Variants in GAK observed in about 807,000 individuals in gnomAD.
GAK encodes the protein cyclin-G-associated kinase.
A neutral mutation model predicts 143.9 loss-of-function variants in GAK; 79 were observed. The ratio of observed to expected loss-of-function variants is 0.55; its 90% CI spans 0.46 to 0.66. GAK has a LOEUF of 0.66. Ranked by LOEUF, GAK falls within the 30% of genes least tolerant of loss-of-function variation. The pLI is 0.00. For missense variants in GAK, 1,693 were observed against 1,779.7 expected, an observed-to-expected ratio of 0.95 and a Z score of 0.88; for synonymous variants, 881 against 765.5, an observed-to-expected ratio of 1.15 and a Z score of -2.49.
At chr4:856,434 TCAC>T (rs1333686242) in intron 24 of GAK, among the ~76,000 whole-genome samples, 5 of 137,276 alleles carry the variant, frequency 3.6e-5, no homozygotes, top group Admixed American at 7.3e-5. Context: ...TCACACCTGC[TCAC>T]CACAGCTGCT....
intron 4 of GAK, 141 bp from the exon 5 acceptor site, chr4:904,920 A>G: frequency 1.3e-6 from 1 of 788,556 alleles, no homozygotes; most frequent in African/African-American, 1.8e-5. Flanking sequence ...AAACGACCAG[A>G]GGTGACTCCC....
chr4:877,911 CTTG>C, intron 15 of GAK, 102 bp from the exon 16 acceptor site: 1 of 1,045,334 alleles, frequency 9.6e-7, no homozygotes, highest in Non-Finnish European at 1.4e-6. Flanking sequence ...AGAAATTTCC[CTTG>C]TAGCAATGTT....
At chr4:915,132 GCACGGCCCCACACACACAGCCCCAGTATA>G (rs1212899288) in intron 1 of GAK, among the ~76,000 whole-genome samples, 123 of 121,824 alleles carry the variant, frequency 1.0e-3, no homozygotes, top group Middle Eastern at 6.1e-3. Context: ...GCCCCAGCGT[GCACGGCCCCACACACACAGCCCCAGTATA>G]CACGGCCCCA....
intron 5 of GAK, 72 bp from the exon 6 acceptor site, chr4:898,230 G>A: frequency 6.4e-7 from 1 of 1,567,580 alleles, no homozygotes; most frequent in Admixed American, 1.7e-5. Context: ...AAACGAACGG[G>A]TGTGAGACAC....
chr4:902,828 A>G (rs1720192773), intron 5 of GAK, among the ~76,000 whole-genome samples: 1 of 152,194 alleles, frequency 6.6e-6, no homozygotes, highest in African/African-American at 2.4e-5. Flanking sequence ...AAGCTGCTCC[A>G]ACGAACCAAA....
At position 898,140 on chromosome 4, in the gene GAK, T is replaced by C. The variant is rs1719161102; in HGVS notation, c.544A>G (p.Ser182Gly). The change falls in exon 6 of 28, where the codon AGT becomes GGT. Residue 182 changes from serine (S) to glycine (G), a missense_variant. Ser to Gly is a moderately conservative substitution (Grantham distance 56). Coordinates refer to ENST00000314167, the MANE Select transcript of GAK (RefSeq NM_005255.4). ...CACAGCTTAATGGTCCCTTGGTTAC[T>C]AAGCAACAAGTTCTCAACCTGTAAA... ...RDLKVENLLL[S>G]NQGTIKLCDF... The C allele has an allele frequency of 6.2e-7, 1 of 1,614,120 alleles. No individual in the cohort carries two copies. Among genetic ancestry groups the C allele is most frequent in the Non-Finnish European group, 8.5e-7 (1 of 1,179,946 alleles).
At chr4:875,408 C>T (rs1296106273) in intron 18 of GAK, among the ~76,000 whole-genome samples, 2 of 152,342 alleles carry the variant, frequency 1.3e-5, no homozygotes, top group South Asian at 2.1e-4. Flanking sequence ...CGGTGCAGGC[C>T]GTCCCTGACA....
At chr4:875,269 AAAG>A (rs1486949016) in intron 18 of GAK, among the ~76,000 whole-genome samples, 1 of 152,228 alleles carries the variant, frequency 6.6e-6, no homozygotes, top group Non-Finnish European at 1.5e-5. Flanking sequence ...AAGGAGGAAA[AAAG>A]AAACAAAATT....
intron 1 of GAK, among the ~76,000 whole-genome samples, chr4:920,981 T>G (rs963630037): frequency 3.3e-5 from 5 of 152,238 alleles, no homozygotes; most frequent in African/African-American, 1.2e-4. Context: ...ATCTCAGGAC[T>G]TACTACACAG....
At chr4:889,061 C>G in intron 10 of GAK, 91 bp from the exon 11 acceptor site, 1 of 1,437,958 alleles carries the variant, frequency 7.0e-7, no homozygotes, top group Non-Finnish European at 9.2e-7. Flanking sequence ...CCCAGGCGCT[C>G]GGTCCCACCT....
chr4:894,768 G>A (rs1718440797), intron 7 of GAK: 1 of 152,152 alleles, frequency 6.6e-6, no homozygotes, highest in African/African-American at 2.4e-5. Context: ...GGATGACAAG[G>A]TCAGGAGTTC....
intron 5 of GAK, among the ~76,000 whole-genome samples, chr4:899,879 G>T (rs1442839324): frequency 6.6e-6 from 1 of 152,222 alleles, no homozygotes; most frequent in Non-Finnish European, 1.5e-5. Flanking sequence ...GCCACCCATG[G>T]CCGACCAGAG....
At chr4:904,908 C>A in intron 4 of GAK, 129 bp from the exon 5 acceptor site, 2 of 871,448 alleles carry the variant, frequency 2.3e-6, no homozygotes, top group Non-Finnish European at 3.5e-6. Context: ...ACCTAAGTAA[C>A]AAAACGACCA....
At chr4:893,234 T>A in intron 9 of GAK, 143 bp downstream of exon 9, 2 of 544,806 alleles carry the variant, frequency 3.7e-6, no homozygotes, top group East Asian at 6.6e-5. Flanking sequence ...GATAGGAGAC[T>A]TAGGGTTCAC....
chr4:908,583 G>C (rs892750257), intron 4 of GAK, among the ~76,000 whole-genome samples: 2 of 147,830 alleles, frequency 1.4e-5, no homozygotes, highest in African/African-American at 5.0e-5. Flanking sequence ...GCGTGTTCAA[G>C]ACCGGCCTGG....
intron 11 of GAK, among the ~76,000 whole-genome samples, chr4:884,604 ACT>A (rs1290457286): frequency 2.0e-5 from 3 of 152,172 alleles, no homozygotes; most frequent in African/African-American, 7.2e-5. Flanking sequence ...GCCACAGCCA[ACT>A]CTCTACAGAC....
Position 911,652 on chromosome 4 carries a change from CCGGCCTTCACAGGA to C in GAK, c.382+7_382+20del. ...CTCTGCTGGGTTAGATGGCACCAAGCCGGCCTTCACAGGACGTTACCTTTACAGAGCTCTGTGAG... is the reference window on the plus strand; with the variant it reads ...CTCTGCTGGGTTAGATGGCACCAAGCCGTTACCTTTACAGAGCTCTGTGAG... On this transcript the variant is annotated splice_region_variant and intron_variant, in intron 4 of 27. Transcript: ENST00000314167. 1.9e-6 allele frequency: 3 copies of C among 1,574,526 alleles called. No individual in the cohort carries two copies. The highest frequency in any genetic ancestry group is 2.6e-6 in the Non-Finnish European group (3 of 1,144,676).
intron 21 of GAK, 23 bp downstream of exon 21, chr4:866,933 G>A (rs370342785): frequency 2.1e-5 from 30 of 1,440,396 alleles, no homozygotes; most frequent in Non-Finnish European, 2.5e-5. Flanking sequence ...GAAGCCACTC[G>A]CCTTCAGAAC....
chr4:866,975 T>C lies in GAK; in HGVS notation c.2853A>G (p.Arg951=), dbSNP rs563818371. The C allele has an allele frequency of 1.0e-4, 155 of 1,492,002 alleles. 2 individuals are homozygous for C. The South Asian group carries it at 1.5e-3, about 15-fold the overall frequency. The allele number at this position is 1,492,002 out of a possible 1,614,324, so 92.4% of individuals were successfully genotyped here. A position where few individuals can be genotyped will look rare whatever the true frequency, so the allele number is the denominator to read the frequency against. Residue 951 remains arginine (R), a synonymous_variant, in exon 21 of 28, where the codon AGA becomes AGG. Coordinates refer to ENST00000314167, the MANE Select transcript of GAK (RefSeq NM_005255.4). ...APPLSVQSTP[R]GGPPAAADPF... The stretch of plus-strand genomic sequence containing the variant: ...ACGTACCAGCGGCAGGGGGCCCTCC[T>C]CTTGGGGTGCTCTGCACGCTCAGGG...
Sources: gnomAD v4.1 joint callset for allele counts (sites outside exome capture counted in the v4.1 genomes callset) on GRCh38, gnomAD v4.1.1 for gene constraint, MANE v1.5 for transcripts, NCBI Gene and HGNC (gene_info 2026-07-23, HGNC 2026-07-21) for gene names.